The following SLC35F4 variants were observed in gnomAD, a reference collection of about 807,000 sequenced individuals.
SLC35F4 encodes solute carrier family 35 member F4, also known as chromosome 14 open reading frame 36.
A neutral mutation model predicts 44.2 loss-of-function variants in SLC35F4; 24 were observed. That is an observed-to-expected ratio of 0.54 (90% CI 0.39 to 0.76). SLC35F4 has a LOEUF of 0.76. SLC35F4 is among the 30% of genes least tolerant of loss of function. The probability of loss-of-function intolerance (pLI) is 0.00; values close to 1 mark genes in which losing one functional copy is unlikely to be tolerated. For missense variants in SLC35F4, 562 were observed against 586.1 expected (o/e 0.96, Z 0.42); for synonymous variants, 238 against 223.6 (o/e 1.06, Z -0.57).
intron 1 of SLC35F4, among the ~76,000 whole-genome samples, chr14:57,703,618 C>T (rs996233941): frequency 1.4e-4 from 22 of 152,190 alleles, no homozygotes; most frequent in African/African-American, 4.3e-4. Flanking sequence ...CAGCTGAGTA[C>T]AGCAACCTCA....
At chr14:57,875,316 T>C (rs775588109) in intron 1 of SLC35F4, among the ~76,000 whole-genome samples, 7 of 152,242 alleles carry the variant, frequency 4.6e-5, no homozygotes, top group Admixed American at 3.3e-4. Flanking sequence ...CATCCTACTC[T>C]GCTCTGAAAT....
intron 1 of SLC35F4, among the ~76,000 whole-genome samples, chr14:57,784,141 G>T (rs759637527): frequency 1.6e-4 from 25 of 152,154 alleles, no homozygotes; most frequent in Non-Finnish European, 3.5e-4. Context: ...AAACTGAAGA[G>T]CTAATAGGTA....
chr14:57,639,297 A>T (rs2073133066), intron 1 of SLC35F4, among the ~76,000 whole-genome samples: 3 of 152,078 alleles, frequency 2.0e-5, no homozygotes, highest in Admixed American at 2.0e-4. Context: ...ATGACACAAG[A>T]TATACCACTT....
intron 1 of SLC35F4, among the ~76,000 whole-genome samples, chr14:57,738,234 T>C (rs536704187): frequency 6.6e-6 from 1 of 152,296 alleles, no homozygotes; most frequent in East Asian, 1.9e-4. Context: ...TCTATTTATA[T>C]GGCTCACATA....
chr14:57,667,784 A>G (rs1468557314), intron 1 of SLC35F4, among the ~76,000 whole-genome samples: 1 of 151,648 alleles, frequency 6.6e-6, no homozygotes, highest in Admixed American at 6.6e-5. Flanking sequence ...GAATAGTGCC[A>G]CAATAAACAT....
At chr14:57,882,702 C>T (rs1299976186) in intron 1 of SLC35F4, among the ~76,000 whole-genome samples, 2 of 152,184 alleles carry the variant, frequency 1.3e-5, no homozygotes, top group Admixed American at 1.3e-4. Flanking sequence ...TTTACACCCT[C>T]TCCTGCCTTT....
intron 1 of SLC35F4, among the ~76,000 whole-genome samples, chr14:57,629,189 G>C (rs749750459): frequency 1.3e-5 from 2 of 152,122 alleles, no homozygotes; most frequent in Non-Finnish European, 2.9e-5. Context: ...GCTATGGCTA[G>C]TGTCTAGCTG....
At chr14:57,725,636 T>C (rs1566798188) in intron 1 of SLC35F4, among the ~76,000 whole-genome samples, 1 of 152,212 alleles carries the variant, frequency 6.6e-6, no homozygotes, top group Non-Finnish European at 1.5e-5. Context: ...CTCACTGGTC[T>C]TATCATGTTG....
chr14:57,959,366 A>G (rs1347179607), intron 1 of SLC35F4, among the ~76,000 whole-genome samples: 2 of 152,228 alleles, frequency 1.3e-5, no homozygotes, highest in African/African-American at 4.8e-5. Context: ...AGCAAAAATT[A>G]TAAAGGCAGT....
intron 1 of SLC35F4, among the ~76,000 whole-genome samples, chr14:57,962,443 G>A (rs1425624813): frequency 1.3e-5 from 2 of 152,136 alleles, no homozygotes; most frequent in South Asian, 2.1e-4. Context: ...TGGCTGCGGC[G>A]CAGATTCTCG....
At chr14:57,605,228 TC>T (rs1324641747) in intron 1 of SLC35F4, among the ~76,000 whole-genome samples, 1 of 152,094 alleles carries the variant, frequency 6.6e-6, no homozygotes, top group African/African-American at 2.4e-5. Flanking sequence ...AGGTCTATTA[TC>T]CAGAATCTAT....
intron 1 of SLC35F4, among the ~76,000 whole-genome samples, chr14:57,698,878 G>A (rs555280889): frequency 1.3e-5 from 2 of 152,164 alleles, no homozygotes; most frequent in South Asian, 2.1e-4. Context: ...CACGCACCTC[G>A]GCCTTCCAAA....
rs193001990 is a variant in SLC35F4, at chr14:57,873,259, G to T, written n.282+108654C>A. ...AGTCTATCTTGCTGGCACCTCTCCA[G>T]TTGTGCTGTGAAAAAAACAAAGTCC... On this transcript the variant is annotated intron_variant and non_coding_transcript_variant, in intron 1 of 1. Transcript: ENST00000556568. Among the ~76,000 whole-genome samples the T allele has an allele frequency of 2.0e-5, 3 of 152,096 alleles. No homozygotes were observed. The East Asian group carries it at 5.8e-4, about 29-fold the overall frequency.
intron 1 of SLC35F4, among the ~76,000 whole-genome samples, chr14:57,825,416 T>G (rs542053753): frequency 6.6e-6 from 1 of 152,280 alleles, no homozygotes; most frequent in South Asian, 2.1e-4. Context: ...GAGTCTGTTC[T>G]AATACTGGGT....
At chr14:57,896,105 C>T (rs968230554) in intron 1 of SLC35F4, among the ~76,000 whole-genome samples, 11 of 152,110 alleles carry the variant, frequency 7.2e-5, no homozygotes, top group Admixed American at 6.6e-4. Flanking sequence ...CCACTGTGCA[C>T]ATCTCCTTTA....
At chr14:57,773,427 C>T (rs1482153927) in intron 1 of SLC35F4, among the ~76,000 whole-genome samples, 1 of 152,130 alleles carries the variant, frequency 6.6e-6, no homozygotes, top group Non-Finnish European at 1.5e-5. Flanking sequence ...GGGACAAAGC[C>T]AGTAAACAGT....
intron 1 of SLC35F4, among the ~76,000 whole-genome samples, chr14:57,646,730 A>T (rs1029134525): frequency 7.9e-5 from 12 of 152,090 alleles, no homozygotes; most frequent in African/African-American, 2.7e-4. Context: ...TCAAATTTAG[A>T]TCTTTCCTGC....
At chr14:57,854,131 C>CA (rs1886851760) in intron 1 of SLC35F4, among the ~76,000 whole-genome samples, 2 of 152,010 alleles carry the variant, frequency 1.3e-5, no homozygotes, top group South Asian at 2.1e-4. Context: ...AAAAGCAGGA[C>CA]AAAAAATTGT....
At chr14:57,937,562 A>AAGAAAAG (rs1889821332) in intron 1 of SLC35F4, among the ~76,000 whole-genome samples, 1 of 147,066 alleles carries the variant, frequency 6.8e-6, no homozygotes, top group Non-Finnish European at 1.5e-5. Flanking sequence ...AAGGAAAGAA[A>AAGAAAAG]AGAAAAGAAA....
Sources: allele counts gnomAD v4.1 joint callset (sites outside exome capture counted in the v4.1 genomes callset), GRCh38; gene constraint gnomAD v4.1.1; transcripts MANE v1.5; gene names NCBI Gene and HGNC (gene_info 2026-07-23, HGNC 2026-07-21).